Variants in TRPC4 observed in about 807,000 individuals in gnomAD.
TRPC4 encodes transient receptor potential cation channel subfamily C member 4.
TRPC4 carries 49 observed loss-of-function variants against 99.4 expected under a neutral mutation model. That is an observed-to-expected ratio of 0.49 (90% CI 0.39 to 0.63). The LOEUF (loss-of-function observed/expected upper bound fraction) is 0.63, where lower values mean the gene tolerates loss of function less well. Ranked by LOEUF, TRPC4 falls within the 20% of genes least tolerant of loss-of-function variation. The pLI is 0.00. For missense variants in TRPC4, 898 were observed against 1,152.9 expected (o/e 0.78, Z 3.20); for synonymous variants, 454 against 425.9 (o/e 1.07, Z -0.81).
At chr13:37,759,039 G>A (rs531817079) in intron 2 of TRPC4, among the ~76,000 whole-genome samples, 93 of 151,322 alleles carry the variant, frequency 6.1e-4, no homozygotes, top group South Asian at 4.0e-3. Context: ...TCCAAGAATG[G>A]CTAAAAAATT....
chr13:37,753,480 G>A (rs1276995674), intron 2 of TRPC4, among the ~76,000 whole-genome samples: 1 of 151,254 alleles, frequency 6.6e-6, no homozygotes, highest in East Asian at 2.0e-4. Flanking sequence ...ATTACATTTT[G>A]GATTAGACTT....
intron 3 of TRPC4, among the ~76,000 whole-genome samples, chr13:37,723,529 T>G (rs1954942092): frequency 6.6e-6 from 1 of 152,170 alleles, no homozygotes; most frequent in Admixed American, 6.6e-5. Context: ...TGATACCCAC[T>G]GTTGGTGGAG....
intron 1 of TRPC4, among the ~76,000 whole-genome samples, chr13:37,841,000 A>C (rs181969730): frequency 1.8e-3 from 272 of 152,174 alleles, no homozygotes; most frequent in Middle Eastern, 3.4e-3. Flanking sequence ...AACCCACCTA[A>C]TTCTAATCAG....
At chr13:37,656,779 A>C (rs1386971063) in intron 6 of TRPC4, among the ~76,000 whole-genome samples, 1 of 152,172 alleles carries the variant, frequency 6.6e-6, no homozygotes, top group Non-Finnish European at 1.5e-5. Context: ...AGGATGAATA[A>C]GCCAGGCAAT....
chr13:37,671,809 G>A (rs1952854599), intron 5 of TRPC4, among the ~76,000 whole-genome samples: 1 of 152,152 alleles, frequency 6.6e-6, no homozygotes, highest in African/African-American at 2.4e-5. Flanking sequence ...ATGAATACAT[G>A]AACCCAACTC....
intron 1 of TRPC4, among the ~76,000 whole-genome samples, chr13:37,825,905 T>A (rs1593267639): frequency 6.8e-6 from 1 of 148,072 alleles, no homozygotes; most frequent in Admixed American, 6.8e-5. Context: ...TGTGTGGGAG[T>A]CAAAGTCTCT....
chr13:37,842,267 CT>C (rs1958753175), intron 1 of TRPC4, among the ~76,000 whole-genome samples: 1 of 109,272 alleles, frequency 9.2e-6, no homozygotes, highest in South Asian at 3.2e-4. Flanking sequence ...AAGACTCAAT[CT>C]CAAAAAAAAA....
chr13:37,671,853 A>G (rs1486228841), intron 5 of TRPC4, among the ~76,000 whole-genome samples: 2 of 152,212 alleles, frequency 1.3e-5, no homozygotes, highest in Non-Finnish European at 2.9e-5. Flanking sequence ...CAAATCCTTC[A>G]GAAAGGACAT....
intron 3 of TRPC4, among the ~76,000 whole-genome samples, chr13:37,738,916 G>A (rs1955493268): frequency 6.9e-6 from 1 of 144,448 alleles, no homozygotes; most frequent in African/African-American, 2.4e-5. Context: ...GACCCAAACT[G>A]AGGGTTTCCC....
At chr13:37,683,280 C>T (rs538959821) in intron 4 of TRPC4, among the ~76,000 whole-genome samples, 1 of 152,182 alleles carries the variant, frequency 6.6e-6, no homozygotes, top group South Asian at 2.1e-4. Flanking sequence ...GGGTTCAGCT[C>T]ATCACAGAAA....
intron 10 of TRPC4, among the ~76,000 whole-genome samples, chr13:37,638,198 GA>G (rs1951594146): frequency 6.7e-6 from 1 of 149,388 alleles, no homozygotes; most frequent in Non-Finnish European, 1.5e-5. Flanking sequence ...TGGGACAACT[GA>G]ATTCTCACTC....
chr13:37,795,012 A>T (rs592781), intron 1 of TRPC4, among the ~76,000 whole-genome samples: 8 of 152,206 alleles, frequency 5.3e-5, no homozygotes, highest in Non-Finnish European at 1.0e-4. Flanking sequence ...ATGTTTTATA[A>T]GATGCAATTA....
At chr13:37,715,283 A>G (rs541676269) in intron 3 of TRPC4, among the ~76,000 whole-genome samples, 1 of 152,330 alleles carries the variant, frequency 6.6e-6, no homozygotes, top group East Asian at 1.9e-4. Context: ...GCATATCTCT[A>G]TGTCAACATA....
chr13:37,824,882 G>GCTGTGAATCCAT (rs1958152564), intron 1 of TRPC4, among the ~76,000 whole-genome samples: 1 of 152,062 alleles, frequency 6.6e-6, no homozygotes, highest in Admixed American at 6.6e-5. Context: ...GCAGAATTCG[G>GCTGTGAATCCAT]CTGTGAATCC....
intron 1 of TRPC4, among the ~76,000 whole-genome samples, chr13:37,790,099 A>G (rs986718953): frequency 5.3e-5 from 8 of 152,178 alleles, no homozygotes; most frequent in African/African-American, 1.9e-4. Context: ...TAACCAGTGA[A>G]CTGGTCATGA....
intron 3 of TRPC4, among the ~76,000 whole-genome samples, chr13:37,699,156 G>A (rs1954018846): frequency 6.6e-6 from 1 of 151,996 alleles, no homozygotes; most frequent in African/African-American, 2.4e-5. Context: ...GGGGATAGTA[G>A]AAATACTTAT....
In TRPC4 at chr13:37,867,751, T is replaced by C. The variant is rs1224797423; in HGVS notation, c.-28+1844A>G. Among the ~76,000 whole-genome samples, 3 of 152,080 alleles carry C rather than the reference T, an allele frequency of 2.0e-5. No individual in the cohort carries two copies. The East Asian group carries it at 5.8e-4, about 29-fold the overall frequency. ...ACACAGCCATCCAAATATTGAAAAA[T>C]AGCCAATCTAACTTCCAGATTCCTT... On this transcript the variant is annotated intron_variant, in intron 1 of 10. Transcript: ENST00000379705.
chr13:37,745,460 A>ATATATATATATATGCG (rs1555265752), intron 3 of TRPC4, among the ~76,000 whole-genome samples: 31 of 4,930 alleles, frequency 6.3e-3, no homozygotes, highest in African/African-American at 0.013. Flanking sequence ...ATATATATAT[A>ATATATATATATATGCG]TATATATATA....
Position 37,807,567 on chromosome 13 carries a change from G to A in TRPC4, c.-27-24207C>T, listed in dbSNP as rs572813755. 5.9e-5 allele frequency among the ~76,000 whole-genome samples: 9 copies of A among 151,994 alleles called. No individual in the cohort carries two copies. The East Asian group carries it at 7.8e-4, about 13-fold the overall frequency. On this transcript the variant is annotated intron_variant, in intron 1 of 10. Coordinates refer to ENST00000379705, the MANE Select transcript of TRPC4 (RefSeq NM_016179.4). ...CAGCAGTATGAAACATTACAAACTC[G>A]TTGAGGGCAAGGCATTCAATTCCTG...
Sources: allele counts gnomAD v4.1 joint callset (sites outside exome capture counted in the v4.1 genomes callset), GRCh38; gene constraint gnomAD v4.1.1; transcripts MANE v1.5; gene names NCBI Gene and HGNC (gene_info 2026-07-23, HGNC 2026-07-21).